Variants in MANBA observed in about 807,000 individuals in gnomAD.
MANBA encodes mannosidase beta.
Under a neutral mutation model 111.1 loss-of-function variants are expected in MANBA, and 83 were observed. The ratio of observed to expected loss-of-function variants is 0.75; its 90% CI spans 0.63 to 0.90. The LOEUF (loss-of-function observed/expected upper bound fraction) is 0.90, where lower values mean the gene tolerates loss of function less well. Among genes scored for constraint, MANBA ranks in the 40% least tolerant of loss-of-function variants. The probability of loss-of-function intolerance (pLI) is 0.00; values close to 1 mark genes in which losing one functional copy is unlikely to be tolerated. For missense variants in MANBA, 1,036 were observed against 1,069.0 expected, an observed-to-expected ratio of 0.97 and a Z score of 0.43; for synonymous variants, 370 against 378.7, an observed-to-expected ratio of 0.98 and a Z score of 0.27.
Position 102,673,903 on chromosome 4 carries a change from A to G in MANBA, c.1112+16T>C. 1.2e-6 allele frequency: 2 copies of G among 1,601,072 alleles called. No individual in the cohort carries two copies. Among genetic ancestry groups the G allele is most frequent in the Non-Finnish European group, 1.7e-6 (2 of 1,168,192 alleles). ...CTAATTAAAAGAAGAACAAGAAAAG[A>G]AAGACAATAACTTACAACTCAGAGG... On this transcript the variant is annotated intron_variant, in intron 8 of 16. Transcript: ENST00000647097.
chr4:102,634,644 A>G (rs1162931402), intron 16 of MANBA, 144 bp downstream of exon 16: 1 of 1,099,020 alleles, frequency 9.1e-7, no homozygotes, highest in East Asian at 2.4e-5. Context: ...TTTTAGTGGG[A>G]AGAGGCCAAT....
intron 7 of MANBA, among the ~76,000 whole-genome samples, chr4:102,685,160 A>T (rs147418695): frequency 6.6e-6 from 1 of 152,230 alleles, no homozygotes; most frequent in Non-Finnish European, 1.5e-5. Flanking sequence ...CGCAGAAGGG[A>T]GGGGAGAGTT....
intron 1 of MANBA, among the ~76,000 whole-genome samples, chr4:102,739,771 T>C (rs902897822): frequency 6.6e-6 from 1 of 152,124 alleles, no homozygotes; most frequent in Non-Finnish European, 1.5e-5. Flanking sequence ...CTCAGCAAAA[T>C]TGGCATAGAA....
chr4:102,757,874 G>A (rs1159571661), intron 1 of MANBA, among the ~76,000 whole-genome samples: 1 of 152,122 alleles, frequency 6.6e-6, no homozygotes, highest in African/African-American at 2.4e-5. Context: ...ATGTGCCCTA[G>A]ACTTTGAACT....
At chr4:102,634,659 C>T in intron 16 of MANBA, 129 bp downstream of exon 16, 1 of 1,269,750 alleles carries the variant, frequency 7.9e-7, no homozygotes, top group Non-Finnish European at 1.1e-6. Flanking sequence ...GCCAATCTTC[C>T]CCCAGGCCTC....
At chr4:102,686,965 T>C (rs1295604613) in intron 7 of MANBA, among the ~76,000 whole-genome samples, 1 of 152,146 alleles carries the variant, frequency 6.6e-6, no homozygotes, top group Non-Finnish European at 1.5e-5. Context: ...ACCTATCAAA[T>C]ATTATTCCTT....
At chr4:102,650,292 A>G (rs1730271660) in intron 13 of MANBA, among the ~76,000 whole-genome samples, 1 of 152,242 alleles carries the variant, frequency 6.6e-6, no homozygotes, top group African/African-American at 2.4e-5. Context: ...ATCTTGAAGT[A>G]GAGAATATTT....
chr4:102,639,733 G>A lies in MANBA; in HGVS notation c.1994C>T (p.Ala665Val), dbSNP rs777142964. 6.2e-7 allele frequency: 1 copy of A among 1,614,142 alleles called. No homozygotes were observed. Among genetic ancestry groups the A allele is most frequent in the South Asian group, 1.1e-5 (1 of 91,082 alleles). The stretch of plus-strand genomic sequence containing the variant: ...CTTACCAAGAGAAGCCCAGGAAGGA[G>A]CTTGCCAGATGTCATTCAACTGCCA... ...LYWQLNDIWQ[A>V]PSWASLEYGG... is the part of the protein sequence containing the mutation. The change falls in exon 14 of 17, where the codon GCT (alanine) becomes GTT (valine). Residue 665 changes from alanine to valine, a missense_variant. Ala to Val is a moderately conservative substitution (Grantham distance 64). Coordinates refer to ENST00000647097, the MANE Select transcript of MANBA (RefSeq NM_005908.4).
intron 14 of MANBA, among the ~76,000 whole-genome samples, chr4:102,639,503 A>T (rs2110193160): frequency 6.6e-6 from 1 of 152,284 alleles, no homozygotes; most frequent in South Asian, 2.1e-4. Flanking sequence ...CACAGCACAG[A>T]ACCCATAATT....
At chr4:102,755,552 T>C (rs552391063) in intron 1 of MANBA, among the ~76,000 whole-genome samples, 2 of 152,260 alleles carry the variant, frequency 1.3e-5, no homozygotes, top group Non-Finnish European at 2.9e-5. Flanking sequence ...ATTCAGGACA[T>C]AGGCATGGGC....
chr4:102,725,226 A>G (rs1464713328), intron 2 of MANBA, among the ~76,000 whole-genome samples: 1 of 152,192 alleles, frequency 6.6e-6, no homozygotes, highest in Non-Finnish European at 1.5e-5. Flanking sequence ...TATACCTTAA[A>G]TGACTGAATT....
In MANBA at chr4:102,702,484, G is replaced by A. The variant is rs192160118; in HGVS notation, c.674-11713C>T. On this transcript the variant is annotated intron_variant, in intron 5 of 16. Coordinates refer to ENST00000647097, the MANE Select transcript of MANBA (RefSeq NM_005908.4). ...TGCTCTGTTTTTTCCCAATCTTTGC[G>A]GTTTTATCTACTTTTGGTCTTTGAT... 5.5e-3 allele frequency among the ~76,000 whole-genome samples: 829 copies of A among 152,022 alleles called. 11 individuals carry two copies. Among genetic ancestry groups the A allele is most frequent in the African/African-American group, 0.019 (781 of 41,418 alleles).
At chr4:102,722,315 T>C (rs1204987106) in intron 4 of MANBA, 4 of 156,336 alleles carry the variant, frequency 2.6e-5, no homozygotes, top group East Asian at 1.9e-4. Flanking sequence ...TAAAATGAAA[T>C]AAACATTAAA....
At chr4:102,719,819 C>G (rs1207429802) in intron 4 of MANBA, among the ~76,000 whole-genome samples, 4 of 152,236 alleles carry the variant, frequency 2.6e-5, no homozygotes, top group Admixed American at 2.6e-4. Flanking sequence ...GTCTCCAACT[C>G]AGGTGTCTTC....
At chr4:102,678,381 C>T (rs908284520) in intron 7 of MANBA, among the ~76,000 whole-genome samples, 1 of 151,598 alleles carries the variant, frequency 6.6e-6, no homozygotes, top group African/African-American at 2.4e-5. Flanking sequence ...TTGATAGTCA[C>T]ATAAAAGCCT....
intron 7 of MANBA, chr4:102,679,522 A>G (rs1427037089): frequency 6.6e-6 from 1 of 152,100 alleles, no homozygotes; most frequent in African/African-American, 2.4e-5. Flanking sequence ...TTATATTAAT[A>G]TATTTAATAA....
intron 5 of MANBA, among the ~76,000 whole-genome samples, chr4:102,694,867 G>A (rs188242656): frequency 6.6e-6 from 1 of 151,918 alleles, no homozygotes; most frequent in Non-Finnish European, 1.5e-5. Context: ...TGGTGTCCTC[G>A]CTGATGTCCT....
At chr4:102,681,884 G>A (rs992436494) in intron 7 of MANBA, among the ~76,000 whole-genome samples, 1 of 152,118 alleles carries the variant, frequency 6.6e-6, no homozygotes, top group Non-Finnish European at 1.5e-5. Context: ...AGTGGCTCAC[G>A]CCTGTAATCC....
At chr4:102,752,594 T>C (rs2110212135) in intron 1 of MANBA, 2 of 630,528 alleles carry the variant, frequency 3.2e-6, no homozygotes. Context: ...AGACAATAAA[T>C]TGTATTCCTA....
Sources: gnomAD v4.1 joint callset for allele counts (sites outside exome capture counted in the v4.1 genomes callset) on GRCh38, gnomAD v4.1.1 for gene constraint, MANE v1.5 for transcripts, NCBI Gene and HGNC (gene_info 2026-07-23, HGNC 2026-07-21) for gene names.